The following VPS13B variants were observed in gnomAD, a reference collection of about 807,000 sequenced individuals.
VPS13B encodes the protein intermembrane lipid transfer protein VPS13B.
A neutral mutation model predicts 426.4 loss-of-function variants in VPS13B; 285 were observed. The ratio of observed to expected loss-of-function variants is 0.67; its 90% CI spans 0.61 to 0.74. The LOEUF (loss-of-function observed/expected upper bound fraction) is 0.74. Ranked by LOEUF, VPS13B falls within the 30% of genes least tolerant of loss-of-function variation. VPS13B has a pLI of 0.00. For synonymous variants in VPS13B, 1,676 were observed against 1,676.4 expected, an observed-to-expected ratio of 1.00 and a Z score of 0.01; for missense variants, 4,537 against 4,782.6, an observed-to-expected ratio of 0.95 and a Z score of 1.51.
intron 21 of VPS13B, among the ~76,000 whole-genome samples, chr8:99,398,035 T>C (rs750733544): frequency 3.0e-4 from 45 of 152,166 alleles, no homozygotes; most frequent in Non-Finnish European, 5.4e-4. Context: ...AATCAAAAGC[T>C]GAATTTTGGA....
chr8:99,787,171 T>C (rs757391734), intron 43 of VPS13B, among the ~76,000 whole-genome samples: 57 of 152,242 alleles, frequency 3.7e-4, no homozygotes, highest in Middle Eastern at 3.4e-3. Flanking sequence ...GTAGCTAACA[T>C]TGCAGAGATC....
At chr8:99,056,164 C>T (rs1308091816) in intron 3 of VPS13B, among the ~76,000 whole-genome samples, 1 of 151,950 alleles carries the variant, frequency 6.6e-6, no homozygotes, top group East Asian at 1.9e-4. Context: ...TTAAGTGATC[C>T]TCCCACCCCA....
rs201566948 is a variant in VPS13B at position 99,391,639 on chromosome 8, C to T, written c.3017C>T (p.Ala1006Val). ...DEVSIGSAPL[A>V]KQQSYQASEY... ...GTGTCTATTGGAAGTGCCCCCTTGG[C>T]AAAGCAGCAATCATATCAGGCCTCT... is the stretch of plus-strand genomic sequence containing the variant. Residue 1006 changes from alanine to valine, a missense_variant, in exon 21 of 62, where the codon GCA becomes GTA. Ala to Val is a moderately conservative substitution (Grantham distance 64). Transcript: ENST00000357162. 6.2e-7 allele frequency: 1 copy of T among 1,614,082 alleles called. No homozygotes were observed. Among genetic ancestry groups the T allele is most frequent in the African/African-American group, 1.3e-5 (1 of 75,052 alleles).
chr8:99,479,175 AT>A (rs1330688352), intron 24 of VPS13B, among the ~76,000 whole-genome samples: 3 of 151,980 alleles, frequency 2.0e-5, no homozygotes, highest in African/African-American at 7.2e-5. Context: ...TTCATTCTGT[AT>A]TTCTGAGTAG....
At chr8:99,461,401 T>G (rs962102199) in intron 23 of VPS13B, among the ~76,000 whole-genome samples, 1 of 152,190 alleles carries the variant, frequency 6.6e-6, no homozygotes, top group African/African-American at 2.4e-5. Flanking sequence ...TTTGAATCAT[T>G]CCAGCTCTTT....
chr8:99,096,402 G>A lies in VPS13B; in HGVS notation c.382G>A (p.Ala128Thr). 3 of 1,614,076 alleles carry A rather than the reference G, an allele frequency of 1.9e-6. No homozygotes were observed. The highest frequency in any genetic ancestry group is 2.5e-6 in the Non-Finnish European group (3 of 1,179,974). The change falls in exon 4 of 62, where the codon GCT (alanine) becomes ACT (threonine). Residue 128 changes from alanine (A) to threonine (T), a missense_variant. Transcript: ENST00000357162. ...AATCAAACCGCGGAGAATGCAGCAG[G>A]CTGCTCCTACAGATCCTGACTTACC... ...SSIKPRRMQQ[A>T]APTDPDLPPG...
chr8:99,534,302 A>G (rs1184940724), intron 30 of VPS13B, among the ~76,000 whole-genome samples: 1 of 152,186 alleles, frequency 6.6e-6, no homozygotes, highest in Admixed American at 6.5e-5. Flanking sequence ...AGCTACCTCA[A>G]CAACAGTGTT....
At chr8:99,328,229 C>T (rs1810382460) in intron 19 of VPS13B, among the ~76,000 whole-genome samples, 1 of 152,154 alleles carries the variant, frequency 6.6e-6, no homozygotes, top group Non-Finnish European at 1.5e-5. Flanking sequence ...GGAACAGTTT[C>T]ATCCTGAAAC....
chr8:99,181,555 G>A, intron 16 of VPS13B, among the ~76,000 whole-genome samples: 1 of 152,178 alleles, frequency 6.6e-6, no homozygotes, highest in East Asian at 1.9e-4. Context: ...TTACCTTCGA[G>A]TTATTTTGAG....
intron 19 of VPS13B, among the ~76,000 whole-genome samples, chr8:99,294,282 T>C (rs1819908115): frequency 1.0e-5 from 1 of 96,838 alleles, no homozygotes. Context: ...CAGTAAACTA[T>C]CACAAGAACA....
At chr8:99,687,515 C>T (rs930859886) in intron 35 of VPS13B, among the ~76,000 whole-genome samples, 1 of 151,972 alleles carries the variant, frequency 6.6e-6, no homozygotes, top group African/African-American at 2.4e-5. Context: ...AGGTTCTGCC[C>T]ACAGGATGGT....
At chr8:99,114,023 ACAT>A (rs559885213) in intron 6 of VPS13B, among the ~76,000 whole-genome samples, 1 of 152,308 alleles carries the variant, frequency 6.6e-6, no homozygotes, top group Admixed American at 6.5e-5. Flanking sequence ...AATTTATTTA[ACAT>A]TTCTCCTGTT....
chr8:99,258,235 T>C (rs966771367), intron 17 of VPS13B, among the ~76,000 whole-genome samples: 2 of 151,994 alleles, frequency 1.3e-5, no homozygotes, highest in African/African-American at 4.8e-5. Flanking sequence ...TTTCCATATG[T>C]GTTATGAAAT....
In VPS13B at chr8:99,853,558, C is replaced by T. The variant is rs767783667; in HGVS notation, c.10169C>T (p.Thr3390Ile). Residue 3390 changes from threonine (T) to isoleucine (I), a missense_variant, in exon 56 of 62, where the codon ACA becomes ATA. By Grantham distance (89) the Thr-to-Ile change is moderately conservative. Around this residue, in one of 2 missense-constraint regions of VPS13B, gnomAD observed 4,311 missense variants for 4,474.3 expected, o/e 0.96. Transcript: ENST00000357162. ...HKASAELLRLTLDNIFLCVAP... is the reference protein window; with the variant it reads ...HKASAELLRLILDNIFLCVAP... ...GCATCAGCTGAGCTTCTGAGACTCA[C>T]ACTGGACAACATTTTTCTCTGTGTG... is the stretch of plus-strand genomic sequence containing the variant. 1.2e-6 allele frequency: 2 copies of T among 1,614,206 alleles called. No individual in the cohort carries two copies. The highest frequency in any genetic ancestry group is 4.5e-5 in the East Asian group (2 of 44,878).
At position 99,832,555 on chromosome 8, in the gene VPS13B, C is replaced by G; in HGVS notation, c.9517C>G (p.Gln3173Glu). 1 of 1,613,868 alleles carries G rather than the reference C, an allele frequency of 6.2e-7. No individual in the cohort carries two copies. The highest frequency in any genetic ancestry group is 8.5e-7 in the Non-Finnish European group (1 of 1,179,976). Residue 3173 changes from glutamine to glutamate, a missense_variant, in exon 52 of 62, where the codon CAG becomes GAG. Gln to Glu is a conservative substitution (Grantham distance 29). Transcript: ENST00000357162. ...TCCTGCCCCAGGTGCTGACAGCTCA[C>G]AGTGCTGGAGCCTGCCAGCTATAGT... Reference protein sequence around the residue: ...FSPAPGADSSQCWSLPAIVRP... With the variant: ...FSPAPGADSSECWSLPAIVRP...
intron 17 of VPS13B, among the ~76,000 whole-genome samples, chr8:99,231,834 A>AT (rs1816337636): frequency 1.3e-5 from 2 of 152,076 alleles, no homozygotes; most frequent in African/African-American, 2.4e-5. Flanking sequence ...TTTCCTTCAC[A>AT]TTTTTTTAAA....
chr8:99,167,252 A>T (rs978948632), intron 15 of VPS13B, among the ~76,000 whole-genome samples: 10 of 151,956 alleles, frequency 6.6e-5, no homozygotes, highest in African/African-American at 2.4e-4. Flanking sequence ...ATGCTGTACA[A>T]CCCTAGTTAT....
chr8:99,766,753 AT>A lies in VPS13B; in HGVS notation c.7051-13del, dbSNP rs778890333. 6.9e-6 allele frequency: 11 copies of A among 1,603,264 alleles called. No individual in the cohort carries two copies. The highest frequency in any genetic ancestry group is 3.4e-5 in the Admixed American group (2 of 58,882). ...CATAGTTTCTATTTGCAACTTCTAAATTTTTTTTATTTTAACATAGGTTCCT... is the reference window on the plus strand; with the variant it reads ...CATAGTTTCTATTTGCAACTTCTAAATTTTTTTATTTTAACATAGGTTCCT... On this transcript the variant is annotated intron_variant, in intron 39 of 61. Coordinates refer to ENST00000357162, the MANE Select transcript of VPS13B (RefSeq NM_152564.5).
chr8:99,372,700 T>C (rs894714150), intron 19 of VPS13B, among the ~76,000 whole-genome samples: 2 of 152,184 alleles, frequency 1.3e-5, no homozygotes, highest in African/African-American at 4.8e-5. Flanking sequence ...ATAGGAACAC[T>C]TTTACACAGT....
Sources: allele counts gnomAD v4.1 joint callset (sites outside exome capture counted in the v4.1 genomes callset), GRCh38; gene constraint gnomAD v4.1.1; regional missense constraint gnomAD v4.1.1; transcripts MANE v1.5; gene names NCBI Gene and HGNC (gene_info 2026-07-23, HGNC 2026-07-21).